The following SRSF12 variants were observed in gnomAD, a reference collection of about 807,000 sequenced individuals.
SRSF12 encodes the protein serine and arginine rich splicing factor 12.
In SRSF12, 21 loss-of-function variants were observed where a neutral mutation model predicts 34.1. That is an observed-to-expected ratio of 0.62 (90% CI 0.44 to 0.89). SRSF12 has a LOEUF of 0.89. SRSF12 is among the 40% of genes least tolerant of loss of function. The probability of loss-of-function intolerance (pLI) is 0.00; values close to 1 mark genes in which losing one functional copy is unlikely to be tolerated. For synonymous variants in SRSF12, 111 were observed against 110.8 expected, an observed-to-expected ratio of 1.00 and a Z score of -0.01; for missense variants, 278 against 327.8, an observed-to-expected ratio of 0.85 and a Z score of 1.17.
chr6:89,109,195 C>T (rs187949192), intron 1 of SRSF12, among the ~76,000 whole-genome samples: 2 of 152,250 alleles, frequency 1.3e-5, no homozygotes, highest in African/African-American at 2.4e-5. Context: ...CACCCCAACC[C>T]GATGCATTAA....
At chr6:89,110,340 T>C (rs1768986235) in intron 1 of SRSF12, among the ~76,000 whole-genome samples, 1 of 152,126 alleles carries the variant, frequency 6.6e-6, no homozygotes, top group Non-Finnish European at 1.5e-5. Context: ...GCCACTCAAG[T>C]GCATTGGTTA....
Position 89,098,547 on chromosome 6 carries a change from A to G in SRSF12, c.*31T>C. The G allele has an allele frequency of 3.2e-6, 5 of 1,561,772 alleles. No individual in the cohort carries two copies. The highest frequency in any genetic ancestry group is 4.3e-6 in the Non-Finnish European group (5 of 1,155,202). On this transcript the variant is annotated 3_prime_UTR_variant, in exon 5 of 5. Coordinates refer to ENST00000452027, the MANE Select transcript of SRSF12 (RefSeq NM_080743.5). Reference sequence around the variant, plus strand: ...TAATGAGAGTTTAATAACTTATATTAAAGACGGCGTGGTGCTCTTTCTGTT... The same window carrying G: ...TAATGAGAGTTTAATAACTTATATTGAAGACGGCGTGGTGCTCTTTCTGTT...
intron 1 of SRSF12, among the ~76,000 whole-genome samples, chr6:89,115,793 C>T (rs548096834): frequency 3.1e-5 from 3 of 95,632 alleles, no homozygotes; most frequent in Admixed American, 1.1e-4. Flanking sequence ...CCCGCCACCA[C>T]GCCCGTCTAA....
chr6:89,114,035 T>A (rs1437049321), intron 1 of SRSF12, among the ~76,000 whole-genome samples: 2 of 152,242 alleles, frequency 1.3e-5, no homozygotes, highest in African/African-American at 2.4e-5. Context: ...ACAGATTACA[T>A]GTGATGATTC....
chr6:89,102,213 G>A (rs1304191769), intron 4 of SRSF12, among the ~76,000 whole-genome samples: 1 of 152,024 alleles, frequency 6.6e-6, no homozygotes, highest in Non-Finnish European at 1.5e-5. Context: ...GGGCGAGCTT[G>A]GCTCACTGCA....
chr6:89,112,447 C>CTTTTTTTTTTTTTTTTT (rs760181452), intron 1 of SRSF12, among the ~76,000 whole-genome samples: 1 of 128,880 alleles, frequency 7.8e-6, no homozygotes, highest in Non-Finnish European at 1.7e-5. Context: ...TCTTTTCTTT[C>CTTTTTTTTTTTTTTTTT]TTTTTTTTTT....
At chr6:89,107,060 C>T (rs1204072067) in intron 2 of SRSF12, 94 bp downstream of exon 2, 4 of 1,172,444 alleles carry the variant, frequency 3.4e-6, no homozygotes, top group Non-Finnish European at 5.1e-6. Context: ...TTTAATTAGG[C>T]AATATTAATC....
intron 1 of SRSF12, 81 bp downstream of exon 1, chr6:89,117,742 C>T: frequency 7.3e-7 from 1 of 1,376,070 alleles, no homozygotes; most frequent in Non-Finnish European, 9.5e-7. Flanking sequence ...CGAGCCTCCG[C>T]CGGGCCTCGG....
At position 89,098,836 on chromosome 6, in the gene SRSF12, A is replaced by G. The variant is rs1720016143; in HGVS notation, c.528T>C (p.Ser176=). The change falls in exon 5 of 5, where the codon TCT becomes TCC. Residue 176 remains serine (S), a synonymous_variant. Coordinates refer to ENST00000452027, the MANE Select transcript of SRSF12 (RefSeq NM_080743.5). ...AGGACTTGGACCTTGACCGTCCTCT[A>G]GAGCCAAAATTCCTTCTTGGAGTTC... ...QSRTPRRNFG[S]RGRSRSKSLQ... The G allele has an allele frequency of 1.2e-6, 2 of 1,614,000 alleles. No homozygotes were observed. The highest frequency in any genetic ancestry group is 1.7e-6 in the Non-Finnish European group (2 of 1,179,904).
intron 1 of SRSF12, among the ~76,000 whole-genome samples, chr6:89,109,422 T>G (rs866468104): frequency 1.3e-5 from 2 of 152,056 alleles, no homozygotes; most frequent in Non-Finnish European, 2.9e-5. Flanking sequence ...TGTTACCATT[T>G]AAGAGTTAAG....
chr6:89,115,088 G>A (rs1256532979), intron 1 of SRSF12, among the ~76,000 whole-genome samples: 3 of 151,090 alleles, frequency 2.0e-5, no homozygotes, highest in East Asian at 2.0e-4. Flanking sequence ...GAGCCACCAC[G>A]CCCGGCCACA....
In SRSF12 at chr6:89,107,228, T is replaced by A; in HGVS notation, c.96A>T (p.Arg32=). The A allele has an allele frequency of 6.2e-7, 1 of 1,614,006 alleles. No individual in the cohort carries two copies. The highest frequency in any genetic ancestry group is 8.5e-7 in the Non-Finnish European group (1 of 1,180,010). ...RPEDLRREFG[R]YGPIVDVYIP... ...TGTAAACGTCTACTATAGGGCCATA[T>A]CGACCAAACTCACGGCGCAAGTCCT... Residue 32 remains arginine, a synonymous_variant, in exon 2 of 5, where the codon CGA becomes CGT. Transcript: ENST00000452027.
intron 1 of SRSF12, among the ~76,000 whole-genome samples, chr6:89,117,132 T>C (rs1202231114): frequency 1.3e-5 from 2 of 152,004 alleles, no homozygotes; most frequent in Non-Finnish European, 1.5e-5. Context: ...GTAGACAAAA[T>C]TCTCAACGGA....
Position 89,098,564 on chromosome 6 carries a change from C to A in SRSF12, c.*14G>T. ...CTTATATTAAAGACGGCGTGGTGCT[C>A]TTTCTGTTGCTGTTCACCAACTGTT... is the stretch of plus-strand genomic sequence containing the variant. On this transcript the variant is annotated 3_prime_UTR_variant, in exon 5 of 5. Coordinates refer to ENST00000452027, the MANE Select transcript of SRSF12 (RefSeq NM_080743.5). 6.3e-7 allele frequency: 1 copy of A among 1,593,942 alleles called. No homozygotes were observed. Among genetic ancestry groups the A allele is most frequent in the South Asian group, 1.1e-5 (1 of 88,458 alleles).
intron 1 of SRSF12, among the ~76,000 whole-genome samples, chr6:89,109,952 G>T (rs184681956): frequency 2.7e-4 from 41 of 152,214 alleles, no homozygotes; most frequent in Admixed American, 7.9e-4. Context: ...TTAACTGGGC[G>T]TGGTGGCGGG....
At chr6:89,111,855 G>C (rs192719043) in intron 1 of SRSF12, among the ~76,000 whole-genome samples, 2 of 152,032 alleles carry the variant, frequency 1.3e-5, no homozygotes, top group African/African-American at 4.8e-5. Flanking sequence ...TGGAGACAGG[G>C]TCTCAGGTCT....
At chr6:89,099,443 CATATATATGTGTGT>C (rs1768421466) in intron 4 of SRSF12, among the ~76,000 whole-genome samples, 26 of 138,748 alleles carry the variant, frequency 1.9e-4, no homozygotes, top group Admixed American at 1.1e-3. Flanking sequence ...TATATATACA[CATATATATGTGTGT>C]ATATATGTGT....
chr6:89,103,199 C>G (rs889449646), intron 4 of SRSF12, among the ~76,000 whole-genome samples: 2 of 152,124 alleles, frequency 1.3e-5, no homozygotes, highest in African/African-American at 2.4e-5. Flanking sequence ...TGATTTGAGA[C>G]AGTCAAGTAT....
At chr6:89,112,512 T>C (rs1158834306) in intron 1 of SRSF12, among the ~76,000 whole-genome samples, 2 of 150,242 alleles carry the variant, frequency 1.3e-5, no homozygotes, top group African/African-American at 4.9e-5. Flanking sequence ...AGTGGTGATA[T>C]CATAACTTGC....
Sources: gnomAD v4.1 joint callset for allele counts (sites outside exome capture counted in the v4.1 genomes callset) on GRCh38, gnomAD v4.1.1 for gene constraint, MANE v1.5 for transcripts, NCBI Gene and HGNC (gene_info 2026-07-23, HGNC 2026-07-21) for gene names.